BFSP2: variants seen among roughly 807,000 people sequenced by gnomAD.
The protein encoded by BFSP2 is beaded filament structural protein 2.
A neutral mutation model predicts 44.9 loss-of-function variants in BFSP2; 38 were observed. The observed-to-expected ratio is 0.85, with a 90% confidence interval of 0.65 to 1.11. The LOEUF (loss-of-function observed/expected upper bound fraction) is 1.11, where lower values mean the gene tolerates loss of function less well. BFSP2 is among the 50% of genes least tolerant of loss of function. The pLI is 0.00. For missense variants in BFSP2, 525 were observed against 533.0 expected (o/e 0.99, Z 0.15); for synonymous variants, 197 against 209.9 (o/e 0.94, Z 0.53).
rs972359976 is a variant in BFSP2, at chr3:133,421,086, C to T, written c.489+20514C>T. ...TAATGCATGTAAACTAGAAAGTATG[C>T]GTCGGGAAGGGAGGAACCTGTCCTC... On this transcript the variant is annotated intron_variant, in intron 1 of 6. Coordinates refer to ENST00000302334, the MANE Select transcript of BFSP2 (RefSeq NM_003571.4). Among the ~76,000 whole-genome samples, 5 of 152,254 alleles carry T rather than the reference C, an allele frequency of 3.3e-5. No homozygotes were observed. The East Asian group carries it at 7.7e-4, about 23-fold the overall frequency.
chr3:133,468,376 A>G (rs970686636), intron 5 of BFSP2, among the ~76,000 whole-genome samples: 1 of 152,204 alleles, frequency 6.6e-6, no homozygotes, highest in Non-Finnish European at 1.5e-5. Flanking sequence ...ATATCTAGTT[A>G]CTGTCTTAGT....
chr3:133,414,785 CA>C (rs1463674897), intron 1 of BFSP2, among the ~76,000 whole-genome samples: 1 of 3,678 alleles, frequency 2.7e-4, no homozygotes, highest in Admixed American at 4.0e-3. Context: ...CTCACCCTGC[CA>C]CCCCCCCCCC....
At chr3:133,413,394 T>C (rs2073475261) in intron 1 of BFSP2, among the ~76,000 whole-genome samples, 1 of 151,982 alleles carries the variant, frequency 6.6e-6, no homozygotes, top group Non-Finnish European at 1.5e-5. Flanking sequence ...ATAGGAAAGA[T>C]GTTCTAAAGG....
chr3:133,448,194 G>A (rs1443911410), intron 2 of BFSP2, among the ~76,000 whole-genome samples: 5 of 152,208 alleles, frequency 3.3e-5, no homozygotes, highest in East Asian at 1.9e-4. Flanking sequence ...TGAAGATGCC[G>A]GATCCCCTAA....
chr3:133,445,822 C>A (rs980035841), intron 1 of BFSP2, among the ~76,000 whole-genome samples: 1 of 152,056 alleles, frequency 6.6e-6, no homozygotes, highest in African/African-American at 2.4e-5. Flanking sequence ...GGGACTGGAA[C>A]CAAGACCCCA....
At chr3:133,446,373 A>T (rs2073896973) in intron 1 of BFSP2, among the ~76,000 whole-genome samples, 1 of 151,634 alleles carries the variant, frequency 6.6e-6, no homozygotes, top group Non-Finnish European at 1.5e-5. Flanking sequence ...GTGAGCAGAT[A>T]TTGTGCCACT....
At chr3:133,462,948 A>G (rs1193306395) in intron 4 of BFSP2, among the ~76,000 whole-genome samples, 1 of 152,214 alleles carries the variant, frequency 6.6e-6, no homozygotes, top group Admixed American at 6.5e-5. Flanking sequence ...AAAGAATTCA[A>G]CTGAAGGGCA....
chr3:133,416,257 CCT>C lies in BFSP2; in HGVS notation c.489+15691_489+15692del, dbSNP rs1412499913. On this transcript the variant is annotated intron_variant, in intron 1 of 6. Coordinates refer to ENST00000302334, the MANE Select transcript of BFSP2 (RefSeq NM_003571.4). ...TACTCAACCCTGCCCTCTCCCCTGT[CCT>C]CTCTCCTCTACTCACCCCTGTCCTC... 7.6e-4 allele frequency among the ~76,000 whole-genome samples: 103 copies of C among 135,902 alleles called. 1 individual carries two copies. The highest frequency in any genetic ancestry group is 2.9e-3 in the African/African-American group (101 of 34,490). The allele number at this position is 135,902 out of a possible 152,430, so 89.2% of individuals were successfully genotyped here.
At chr3:133,422,105 C>CA (rs35193779) in intron 1 of BFSP2, among the ~76,000 whole-genome samples, 50,827 of 83,928 alleles carry the variant, frequency 0.61, 16,621 homozygotes, top group East Asian at 0.89. Flanking sequence ...GACTCCATCT[C>CA]AAAAAAAAAA....
intron 1 of BFSP2, among the ~76,000 whole-genome samples, chr3:133,428,007 T>C (rs576317825): frequency 1.1e-4 from 16 of 152,192 alleles, no homozygotes; most frequent in Non-Finnish European, 2.2e-4. Context: ...GTTAAATAAC[T>C]TTTCCAAGAT....
At chr3:133,402,011 T>A (rs530260538) in intron 1 of BFSP2, among the ~76,000 whole-genome samples, 1 of 152,182 alleles carries the variant, frequency 6.6e-6, no homozygotes, top group African/African-American at 2.4e-5. Flanking sequence ...AGAGCCATCT[T>A]AGAACAGTCC....
At chr3:133,437,322 G>A (rs532878542) in intron 1 of BFSP2, among the ~76,000 whole-genome samples, 7 of 152,244 alleles carry the variant, frequency 4.6e-5, no homozygotes, top group Non-Finnish European at 8.8e-5. Flanking sequence ...TTGGAAGTTC[G>A]AGACCAGCCT....
chr3:133,468,931 C>T lies in BFSP2; in HGVS notation c.1023+1972C>T, dbSNP rs144543210. Among the ~76,000 whole-genome samples, 318 of 152,290 alleles carry T rather than the reference C, an allele frequency of 2.1e-3. 2 individuals carry two copies. Among genetic ancestry groups the T allele is most frequent in the African/African-American group, 6.5e-3 (269 of 41,556 alleles). The stretch of plus-strand genomic sequence containing the variant: ...TTAATTTGATAATGTATGTCAAGCC[C>T]TTAGCACAGTGCCTGGCAGTTAGTG... On this transcript the variant is annotated intron_variant, in intron 5 of 6. Transcript: ENST00000302334.
intron 4 of BFSP2, among the ~76,000 whole-genome samples, chr3:133,466,575 C>T (rs1194656143): frequency 6.9e-6 from 1 of 145,878 alleles, no homozygotes; most frequent in African/African-American, 2.6e-5. Flanking sequence ...CCCAGCTACT[C>T]GAGGCAGGAG....
At chr3:133,469,149 G>C (rs2074138717) in intron 5 of BFSP2, among the ~76,000 whole-genome samples, 1 of 152,208 alleles carries the variant, frequency 6.6e-6, no homozygotes, top group Non-Finnish European at 1.5e-5. Flanking sequence ...GTGCCATTCT[G>C]TCTATGCCCA....
At chr3:133,464,756 A>T (rs979372964) in intron 4 of BFSP2, among the ~76,000 whole-genome samples, 1 of 152,208 alleles carries the variant, frequency 6.6e-6, no homozygotes, top group Non-Finnish European at 1.5e-5. Context: ...TCATTATATG[A>T]TAATGAGTAT....
At chr3:133,408,228 T>G (rs1488326775) in intron 1 of BFSP2, among the ~76,000 whole-genome samples, 1 of 152,138 alleles carries the variant, frequency 6.6e-6, no homozygotes, top group Non-Finnish European at 1.5e-5. Context: ...GAACAGACAG[T>G]TGACACAAAA....
intron 1 of BFSP2, among the ~76,000 whole-genome samples, chr3:133,428,976 TA>T (rs2073681336): frequency 1.3e-5 from 2 of 152,200 alleles, no homozygotes; most frequent in Admixed American, 1.3e-4. Flanking sequence ...TTTTAACACA[TA>T]AAAAGCCACC....
chr3:133,471,676 A>C (rs1435674023), intron 5 of BFSP2, among the ~76,000 whole-genome samples: 1 of 152,200 alleles, frequency 6.6e-6, no homozygotes, highest in East Asian at 1.9e-4. Flanking sequence ...AGACCAACAC[A>C]GACCCAGGAT....
Sources: gnomAD v4.1 joint callset for allele counts (sites outside exome capture counted in the v4.1 genomes callset) on GRCh38, gnomAD v4.1.1 for gene constraint, MANE v1.5 for transcripts, NCBI Gene and HGNC (gene_info 2026-07-23, HGNC 2026-07-21) for gene names.